TCF4: variants seen among roughly 807,000 people sequenced by gnomAD.
The protein encoded by TCF4 is SL3-3 enhancer factor 2.
In TCF4, 3 loss-of-function variants were observed where a neutral mutation model predicts 82.1. The observed-to-expected ratio is 0.04, with a 90% CI of 0.02 to 0.09. The LOEUF is 0.09. Among genes scored for constraint, TCF4 ranks in the 10% least tolerant of loss-of-function variants. TCF4 has a pLI of 1.00. For missense variants in TCF4, 518 were observed against 852.7 expected, an observed-to-expected ratio of 0.61 and a Z score of 4.89; for synonymous variants, 276 against 309.6, an observed-to-expected ratio of 0.89 and a Z score of 1.14.
chr18:55,544,097 T>C (rs2097185971), intron 3 of TCF4, among the ~76,000 whole-genome samples: 1 of 152,158 alleles, frequency 6.6e-6, no homozygotes, highest in African/African-American at 2.4e-5. Context: ...AAATAGAGGA[T>C]TGCTTTACAG....
chr18:55,299,665 T>C (rs1247297740), intron 8 of TCF4, among the ~76,000 whole-genome samples: 2 of 152,120 alleles, frequency 1.3e-5, no homozygotes, highest in African/African-American at 4.8e-5. Context: ...GACAGGTAAA[T>C]TTGAAAGCAT....
In TCF4 at chr18:55,465,156, G is replaced by C. The variant is rs185481922; in HGVS notation, c.146-1019C>G. 2.0e-5 allele frequency among the ~76,000 whole-genome samples: 3 copies of C among 152,302 alleles called. No homozygotes were observed. In the East Asian group the frequency reaches 5.8e-4, roughly 29 times the overall value. On this transcript the variant is annotated intron_variant, in intron 3 of 19. Transcript: ENST00000354452. ...CCATCACAAACACCCTCTGACAGAA[G>C]TGGAGGAGGAAGTGTGAAACTAAGG... is the stretch of plus-strand genomic sequence containing the variant.
intron 15 of TCF4, 140 bp downstream of exon 15, chr18:55,254,357 C>T (rs1172200097): frequency 1.3e-6 from 1 of 777,490 alleles, no homozygotes. Context: ...TTGAATTGTA[C>T]ACCTGAAATG....
chr18:55,425,142 GGAAAAAAT>G (rs1049109077), intron 5 of TCF4, among the ~76,000 whole-genome samples: 1 of 152,136 alleles, frequency 6.6e-6, no homozygotes, highest in African/African-American at 2.4e-5. Context: ...ATGTAATGGT[GGAAAAAAT>G]GAAATAGAGT....
chr18:55,321,817 T>C lies in TCF4; in HGVS notation c.549+28542A>G, dbSNP rs1230678755. 2.7e-6 allele frequency: 4 copies of C among 1,504,746 alleles called. No homozygotes were observed. In the East Asian group the frequency reaches 7.5e-5, roughly 28 times the overall value. 93.2% of individuals were successfully genotyped at this position (1,504,746 alleles called of 1,614,324 possible). ...CTCGCTGTCCCTTTTTTCACAACAATTCCTTCAGTTGCATTTTCCCATATG... is the reference window on the plus strand; with the variant it reads ...CTCGCTGTCCCTTTTTTCACAACAACTCCTTCAGTTGCATTTTCCCATATG... On this transcript the variant is annotated intron_variant, in intron 8 of 19. Coordinates refer to ENST00000354452, the MANE Select transcript of TCF4 (RefSeq NM_001083962.2).
chr18:55,263,473 A>G (rs923857326), intron 11 of TCF4, among the ~76,000 whole-genome samples: 10 of 152,058 alleles, frequency 6.6e-5, no homozygotes, highest in African/African-American at 2.4e-4. Context: ...AAAAACATGG[A>G]TTGCAGGCAT....
intron 8 of TCF4, among the ~76,000 whole-genome samples, chr18:55,289,604 G>A (rs1300242217): frequency 6.6e-6 from 1 of 152,022 alleles, no homozygotes; most frequent in South Asian, 2.1e-4. Context: ...TTTAGATGAC[G>A]ACTACTGCTT....
chr18:55,589,671 T>A (rs2097679999), upstream of TCF4: 1 of 1,038,786 alleles, frequency 9.6e-7, no homozygotes. Flanking sequence ...GTTCCAAGTT[T>A]AGAGGTGTCT....
intron 3 of TCF4, among the ~76,000 whole-genome samples, chr18:55,464,876 A>G (rs772275157): frequency 2.0e-5 from 3 of 152,226 alleles, no homozygotes; most frequent in Non-Finnish European, 4.4e-5. Flanking sequence ...AAAAGTTGGA[A>G]TTCTAAACTC....
At chr18:55,563,717 T>C (rs554773814) in intron 3 of TCF4, among the ~76,000 whole-genome samples, 4 of 152,308 alleles carry the variant, frequency 2.6e-5, no homozygotes, top group African/African-American at 9.6e-5. Flanking sequence ...TAACATACGA[T>C]ATTAAGGTAA....
At chr18:55,511,331 T>TAAAAA (rs59685050) in intron 3 of TCF4, among the ~76,000 whole-genome samples, 11,586 of 131,200 alleles carry the variant, frequency 0.088, 1,030 homozygotes, top group East Asian at 0.39. Context: ...TCCAAAAGTT[T>TAAAAA]AAAAAAAAAA....
At chr18:55,575,941 A>C (rs2097524736) in intron 3 of TCF4, among the ~76,000 whole-genome samples, 1 of 152,222 alleles carries the variant, frequency 6.6e-6, no homozygotes, top group South Asian at 2.1e-4. Flanking sequence ...GGCAAAGATA[A>C]CTATCACATT....
At chr18:55,490,886 A>G (rs1010830656) in intron 3 of TCF4, among the ~76,000 whole-genome samples, 5 of 152,254 alleles carry the variant, frequency 3.3e-5, no homozygotes, top group Admixed American at 2.0e-4. Flanking sequence ...AAAAGGAATG[A>G]CTGAGAATGC....
chr18:55,353,587 G>C (rs2082768530), intron 6 of TCF4, among the ~76,000 whole-genome samples: 2 of 152,108 alleles, frequency 1.3e-5, no homozygotes, highest in South Asian at 4.1e-4. Flanking sequence ...TAGGGAAAAT[G>C]AAGATAAAAA....
At chr18:55,546,213 C>T (rs756909622) in intron 3 of TCF4, among the ~76,000 whole-genome samples, 3 of 151,982 alleles carry the variant, frequency 2.0e-5, no homozygotes, top group African/African-American at 4.8e-5. Flanking sequence ...GTGGCACGGG[C>T]CTGTAGTCCC....
intron 3 of TCF4, among the ~76,000 whole-genome samples, chr18:55,482,434 C>A (rs1049307178): frequency 2.6e-5 from 4 of 152,122 alleles, no homozygotes; most frequent in African/African-American, 9.7e-5. Context: ...AGTAGTCCAC[C>A]AGGGATGTAG....
intron 6 of TCF4, among the ~76,000 whole-genome samples, chr18:55,376,627 A>AC (rs2090822411): frequency 1.3e-5 from 2 of 152,034 alleles, no homozygotes; most frequent in African/African-American, 2.4e-5. Context: ...TTTCCAAATG[A>AC]CTCTTCATAG....
chr18:55,237,472 T>TA (rs1568365672), intron 15 of TCF4, among the ~76,000 whole-genome samples: 9 of 149,540 alleles, frequency 6.0e-5, no homozygotes. Flanking sequence ...TCTGACTTTT[T>TA]TTTTTTTTTT....
At chr18:55,476,244 G>A (rs1484749559) in intron 3 of TCF4, among the ~76,000 whole-genome samples, 2 of 151,998 alleles carry the variant, frequency 1.3e-5, no homozygotes, top group African/African-American at 4.8e-5. Context: ...ACTTTTAAAA[G>A]AATATATTCC....
Sources: allele counts gnomAD v4.1 joint callset (sites outside exome capture counted in the v4.1 genomes callset), GRCh38; gene constraint gnomAD v4.1.1; transcripts MANE v1.5; gene names NCBI Gene and HGNC (gene_info 2026-07-23, HGNC 2026-07-21).